SEC22A: variants seen among roughly 807,000 people sequenced by gnomAD.
The protein encoded by SEC22A is SEC22 homolog A, vesicle trafficking protein.
Under a neutral mutation model 35.3 loss-of-function variants are expected in SEC22A, and 22 were observed. The ratio of observed to expected loss-of-function variants is 0.62; its 90% CI spans 0.45 to 0.89. SEC22A has a LOEUF of 0.89. SEC22A is among the 40% of genes least tolerant of loss of function. The pLI is 0.00. For missense variants in SEC22A, 354 were observed against 362.5 expected (o/e 0.98, Z 0.19); for synonymous variants, 119 against 129.5 (o/e 0.92, Z 0.55).
At chr3:123,225,375 T>G in intron 4 of SEC22A, 78 bp downstream of exon 4, 1 of 842,304 alleles carries the variant, frequency 1.2e-6, no homozygotes, top group East Asian at 2.5e-5. Context: ...ATGAATTACT[T>G]TATTCTAATA....
At chr3:123,252,054 G>A (rs987907417) in intron 5 of SEC22A, among the ~76,000 whole-genome samples, 3 of 152,168 alleles carry the variant, frequency 2.0e-5, no homozygotes, top group African/African-American at 7.2e-5. Context: ...GTGATTTTCC[G>A]AGTACATCCT....
In SEC22A at chr3:123,272,564, G is replaced by A. The variant is rs369044423; in HGVS notation, c.*842G>A. 184 of 152,242 alleles carry A rather than the reference G, an allele frequency of 1.2e-3. No individual in the cohort carries two copies. The highest frequency in any genetic ancestry group is 4.4e-3 in the African/African-American group (182 of 41,534). The allele number at this position is 152,242 out of a possible 1,614,324, so 9.4% of individuals were successfully genotyped here. ...AGTATCAGTTTGCCATAAATAAAAG[G>A]TAACCACAAAATAAGTAAGATGAAC... On this transcript the variant is annotated 3_prime_UTR_variant, in exon 7 of 7. Coordinates refer to ENST00000492595, the MANE Select transcript of SEC22A (RefSeq NM_012430.5).
intron 6 of SEC22A, among the ~76,000 whole-genome samples, chr3:123,269,220 T>TATA (rs1559766312): frequency 6.7e-6 from 1 of 150,072 alleles, no homozygotes; most frequent in Non-Finnish European, 1.5e-5. Context: ...TGTGTGTATA[T>TATA]ATTACTGGAA....
At chr3:123,255,308 CT>C (rs1402369347) in intron 5 of SEC22A, among the ~76,000 whole-genome samples, 3 of 151,856 alleles carry the variant, frequency 2.0e-5, no homozygotes, top group African/African-American at 7.3e-5. Flanking sequence ...CTTTCTCTTC[CT>C]ATTCCTCAGT....
At chr3:123,270,755 C>T (rs112374486) in intron 6 of SEC22A, among the ~76,000 whole-genome samples, 4 of 152,198 alleles carry the variant, frequency 2.6e-5, no homozygotes, top group East Asian at 3.9e-4. Flanking sequence ...TGGGCAGGAG[C>T]GGTGAGAGGG....
At chr3:123,268,863 G>T (rs1002023780) in intron 6 of SEC22A, among the ~76,000 whole-genome samples, 2 of 151,974 alleles carry the variant, frequency 1.3e-5, no homozygotes, top group African/African-American at 4.8e-5. Flanking sequence ...TTTTGTTGTT[G>T]TTCTATTTTA....
chr3:123,261,546 T>A (rs529179908), intron 6 of SEC22A, among the ~76,000 whole-genome samples: 1 of 150,810 alleles, frequency 6.6e-6, no homozygotes, highest in Admixed American at 6.6e-5. Flanking sequence ...ACTATACACA[T>A]GATCTCATTT....
chr3:123,229,627 G>T (rs1937278814), intron 4 of SEC22A, among the ~76,000 whole-genome samples: 1 of 152,214 alleles, frequency 6.6e-6, no homozygotes, highest in South Asian at 2.1e-4. Flanking sequence ...ACTTTGGGAG[G>T]CTGAGGCGGG....
intron 2 of SEC22A, 74 bp from the exon 3 acceptor site, chr3:123,223,484 AG>A (rs1212865053): frequency 1.7e-6 from 2 of 1,158,844 alleles, no homozygotes; most frequent in Non-Finnish European, 2.5e-6. Flanking sequence ...TATGGTGTAT[AG>A]AACCAGTCTT....
chr3:123,210,142 A>C (rs144199894), intron 2 of SEC22A, among the ~76,000 whole-genome samples: 162 of 152,310 alleles, frequency 1.1e-3, no homozygotes, highest in Admixed American at 7.3e-3. Context: ...GTTTTAAGCT[A>C]TAGAGTTACA....
intron 4 of SEC22A, among the ~76,000 whole-genome samples, chr3:123,245,162 G>A (rs1375019036): frequency 6.6e-6 from 1 of 152,054 alleles, no homozygotes; most frequent in Non-Finnish European, 1.5e-5. Context: ...ACCCAGATAA[G>A]GCAAAGTTTT....
At chr3:123,214,854 C>T (rs535163959) in intron 2 of SEC22A, among the ~76,000 whole-genome samples, 1 of 152,252 alleles carries the variant, frequency 6.6e-6, no homozygotes, top group African/African-American at 2.4e-5. Flanking sequence ...TTTTTTAGTT[C>T]TTTCACTGTG....
chr3:123,214,529 C>A (rs889369143), intron 2 of SEC22A, among the ~76,000 whole-genome samples: 1 of 152,112 alleles, frequency 6.6e-6, no homozygotes, highest in African/African-American at 2.4e-5. Flanking sequence ...TATTCCAATT[C>A]TCTCTATATA....
At chr3:123,257,852 C>A (rs1937771673) in intron 5 of SEC22A, among the ~76,000 whole-genome samples, 1 of 151,820 alleles carries the variant, frequency 6.6e-6, no homozygotes, top group African/African-American at 2.4e-5. Context: ...AGTAGCCAGG[C>A]ATGGTGGCAC....
chr3:123,226,289 A>G (rs886177510), intron 4 of SEC22A, among the ~76,000 whole-genome samples: 8 of 152,174 alleles, frequency 5.3e-5, no homozygotes, highest in African/African-American at 1.7e-4. Flanking sequence ...ACTGTTCTCC[A>G]TAGTGGTTGT....
chr3:123,226,827 T>C (rs186529468), intron 4 of SEC22A, among the ~76,000 whole-genome samples: 53 of 152,242 alleles, frequency 3.5e-4, no homozygotes, highest in African/African-American at 1.2e-3. Context: ...ATGTTATCTT[T>C]TAGTAACTTC....
At chr3:123,252,786 A>T (rs1490987462) in intron 5 of SEC22A, among the ~76,000 whole-genome samples, 1 of 152,196 alleles carries the variant, frequency 6.6e-6, no homozygotes, top group African/African-American at 2.4e-5. Context: ...ATAGCAAGGG[A>T]TTTATTCAAA....
chr3:123,253,240 C>G (rs968003846), intron 5 of SEC22A, among the ~76,000 whole-genome samples: 1 of 152,138 alleles, frequency 6.6e-6, no homozygotes, highest in Admixed American at 6.5e-5. Flanking sequence ...TGCAATTCTG[C>G]AAGATGAAGA....
chr3:123,225,405 G>C, intron 4 of SEC22A, 108 bp downstream of exon 4: 1 of 604,366 alleles, frequency 1.7e-6, no homozygotes. Flanking sequence ...AAGTACATGA[G>C]AGAATATAGA....
Sources: gnomAD v4.1 joint callset for allele counts (sites outside exome capture counted in the v4.1 genomes callset) on GRCh38, gnomAD v4.1.1 for gene constraint, MANE v1.5 for transcripts, NCBI Gene and HGNC (gene_info 2026-07-23, HGNC 2026-07-21) for gene names.